The following SLIT2 variants were observed in gnomAD, a reference collection of about 807,000 sequenced individuals.
SLIT2 encodes the protein slit homolog 2 protein.
SLIT2 carries 41 observed loss-of-function variants against 185.7 expected under a neutral mutation model. The observed-to-expected ratio is 0.22, with a 90% CI of 0.17 to 0.29. SLIT2 has a LOEUF of 0.29. Among genes scored for constraint, SLIT2 ranks in the 10% least tolerant of loss-of-function variants. The pLI is 1.00. For synonymous variants in SLIT2, 693 were observed against 680.2 expected, an observed-to-expected ratio of 1.02 and a Z score of -0.29; for missense variants, 1,571 against 1,909.0, an observed-to-expected ratio of 0.82 and a Z score of 3.30.
At chr4:20,309,046 A>G (rs1560304110) in intron 4 of SLIT2, among the ~76,000 whole-genome samples, 2 of 152,300 alleles carry the variant, frequency 1.3e-5, no homozygotes, top group African/African-American at 2.4e-5. Context: ...CATTATTATC[A>G]TAATTAATTC....
chr4:20,518,147 A>T (rs990195293), intron 11 of SLIT2, among the ~76,000 whole-genome samples: 2 of 146,276 alleles, frequency 1.4e-5, no homozygotes, highest in South Asian at 4.2e-4. Context: ...ATATTTATAT[A>T]TATACATATA....
At chr4:20,330,076 A>G (rs1719932146) in intron 4 of SLIT2, among the ~76,000 whole-genome samples, 2 of 151,844 alleles carry the variant, frequency 1.3e-5, no homozygotes, top group South Asian at 4.1e-4. Context: ...ACCTTACACC[A>G]TAGCACTGTA....
chr4:20,557,480 A>G (rs1724360634), intron 26 of SLIT2, among the ~76,000 whole-genome samples: 1 of 152,052 alleles, frequency 6.6e-6, no homozygotes, highest in Non-Finnish European at 1.5e-5. Flanking sequence ...TGTTTACAGC[A>G]TGGTTTCCTG....
intron 33 of SLIT2, among the ~76,000 whole-genome samples, chr4:20,598,857 T>C (rs1728191756): frequency 6.6e-6 from 1 of 152,192 alleles, no homozygotes; most frequent in African/African-American, 2.4e-5. Context: ...ATCTCCTGTC[T>C]GTGTTCCCCA....
At chr4:20,487,529 T>C (rs1717359227) in intron 7 of SLIT2, among the ~76,000 whole-genome samples, 1 of 152,182 alleles carries the variant, frequency 6.6e-6, no homozygotes, top group South Asian at 2.1e-4. Flanking sequence ...TTACATTCTT[T>C]TCTCATTTCA....
In SLIT2 at chr4:20,405,451, TAGG is replaced by T. The variant is rs147057523; in HGVS notation, c.396-62296_396-62294del. On this transcript the variant is annotated intron_variant, in intron 4 of 36. Transcript: ENST00000504154. ...AGTTGTTTTATATTATACTAAGAAA[TAGG>T]AGGACAGAAACATTTTTTTCTTTTC... is the stretch of plus-strand genomic sequence containing the variant. Among the ~76,000 whole-genome samples, 740 of 152,010 alleles carry T rather than the reference TAGG, an allele frequency of 4.9e-3. 11 individuals are homozygous for T. The highest frequency in any genetic ancestry group is 0.017 in the African/African-American group (714 of 41,482).
At chr4:20,351,268 C>G (rs1345816168) in intron 4 of SLIT2, among the ~76,000 whole-genome samples, 1 of 152,002 alleles carries the variant, frequency 6.6e-6, no homozygotes, top group African/African-American at 2.4e-5. Context: ...AGGCTGGTCT[C>G]AAACTCCTGA....
chr4:20,471,147 T>A (rs896831340), intron 5 of SLIT2, among the ~76,000 whole-genome samples: 15 of 152,146 alleles, frequency 9.9e-5, no homozygotes, highest in Non-Finnish European at 1.6e-4. Flanking sequence ...ATAGGTTTAT[T>A]TTATGAATTA....
chr4:20,428,770 C>T (rs1728748274), intron 4 of SLIT2, among the ~76,000 whole-genome samples: 1 of 152,158 alleles, frequency 6.6e-6, no homozygotes, highest in African/African-American at 2.4e-5. Flanking sequence ...GCTTCCAGGA[C>T]TATAATTTGA....
chr4:20,386,366 A>G (rs1410148609), intron 4 of SLIT2, among the ~76,000 whole-genome samples: 1 of 152,228 alleles, frequency 6.6e-6, no homozygotes, highest in Non-Finnish European at 1.5e-5. Context: ...TAATTATGCT[A>G]AAAATGCTTC....
intron 4 of SLIT2, among the ~76,000 whole-genome samples, chr4:20,448,786 C>T (rs1034549842): frequency 1.1e-4 from 16 of 152,024 alleles, no homozygotes; most frequent in African/African-American, 3.6e-4. Context: ...TACAGGCGCA[C>T]ACCACCACAC....
intron 4 of SLIT2, among the ~76,000 whole-genome samples, chr4:20,423,771 T>C (rs1728345537): frequency 6.6e-6 from 1 of 152,122 alleles, no homozygotes; most frequent in African/African-American, 2.4e-5. Flanking sequence ...TATGTTAAAA[T>C]TATCTTTATG....
At chr4:20,326,746 C>CTTTTTT (rs59509608) in intron 4 of SLIT2, among the ~76,000 whole-genome samples, 3 of 54,718 alleles carry the variant, frequency 5.5e-5, no homozygotes, top group African/African-American at 2.5e-4. Flanking sequence ...ATTCTGAAAC[C>CTTTTTT]TTTTTTTTTT....
chr4:20,459,863 A>AT (rs200920585), intron 4 of SLIT2, among the ~76,000 whole-genome samples: 11,792 of 138,854 alleles, frequency 0.085, 1,508 homozygotes, highest in African/African-American at 0.28. Flanking sequence ...CATGTTTGGA[A>AT]TTTTTTTTTT....
chr4:20,305,065 CAAATAGGTATTCGA>C (rs1446435162), intron 4 of SLIT2, among the ~76,000 whole-genome samples: 1 of 152,124 alleles, frequency 6.6e-6, no homozygotes, highest in African/African-American at 2.4e-5. Flanking sequence ...TGCATTTTGG[CAAATAGGTATTCGA>C]AAATGTTTGC....
rs1485362090 is a variant in SLIT2 at position 20,596,665 on chromosome 4, C to T, written c.3561+10C>T. ...GAACATAACACTTCAGGTAAGAGATCTCTCTCTATGGAGAGATGATCGGAT... is the reference window on the plus strand; with the variant it reads ...GAACATAACACTTCAGGTAAGAGATTTCTCTCTATGGAGAGATGATCGGAT... On this transcript the variant is annotated intron_variant, in intron 32 of 36. Coordinates refer to ENST00000504154, the MANE Select transcript of SLIT2 (RefSeq NM_004787.4). The T allele has an allele frequency of 1.2e-6, 2 of 1,608,758 alleles. No individual in the cohort carries two copies. The highest frequency in any genetic ancestry group is 2.7e-5 in the African/African-American group (2 of 74,808).
At chr4:20,364,634 A>C (rs1722973633) in intron 4 of SLIT2, among the ~76,000 whole-genome samples, 1 of 151,998 alleles carries the variant, frequency 6.6e-6, no homozygotes, top group South Asian at 2.1e-4. Flanking sequence ...TTTTAGAAAA[A>C]CTTGATCCAT....
chr4:20,577,733 G>T (rs1343166299), intron 29 of SLIT2, among the ~76,000 whole-genome samples: 1 of 152,164 alleles, frequency 6.6e-6, no homozygotes, highest in Non-Finnish European at 1.5e-5. Context: ...CTGCCACACT[G>T]CATGGTCTGT....
intron 4 of SLIT2, among the ~76,000 whole-genome samples, chr4:20,401,870 A>C (rs1726390776): frequency 6.6e-6 from 1 of 151,944 alleles, no homozygotes; most frequent in Non-Finnish European, 1.5e-5. Context: ...AATAAATCTT[A>C]GTTTATAAAA....
Sources: gnomAD v4.1 joint callset for allele counts (sites outside exome capture counted in the v4.1 genomes callset) on GRCh38, gnomAD v4.1.1 for gene constraint, MANE v1.5 for transcripts, NCBI Gene and HGNC (gene_info 2026-07-23, HGNC 2026-07-21) for gene names.